KCNIP4: variants seen among roughly 807,000 people sequenced by gnomAD.
The protein encoded by KCNIP4 is potassium voltage-gated channel interacting protein 4.
In KCNIP4, 12 loss-of-function variants were observed where a neutral mutation model predicts 34.0. The observed-to-expected ratio is 0.35, with a 90% CI of 0.23 to 0.57. KCNIP4 has a LOEUF of 0.57. Ranked by LOEUF, KCNIP4 falls within the 20% of genes least tolerant of loss-of-function variation. The pLI is 0.83. For synonymous variants in KCNIP4, 124 were observed against 102.2 expected, an observed-to-expected ratio of 1.21 and a Z score of -1.29; for missense variants, 238 against 311.7, an observed-to-expected ratio of 0.76 and a Z score of 1.78.
intron 1 of KCNIP4, among the ~76,000 whole-genome samples, chr4:21,369,911 T>C (rs1193516032): frequency 1.4e-5 from 2 of 138,336 alleles, no homozygotes; most frequent in Non-Finnish European, 3.0e-5. Flanking sequence ...AAGCTCTGTC[T>C]CTGCCTCCCG....
intron 5 of KCNIP4, among the ~76,000 whole-genome samples, chr4:20,743,677 A>T (rs920910973): frequency 2.0e-5 from 3 of 152,122 alleles, no homozygotes; most frequent in African/African-American, 7.2e-5. Flanking sequence ...CTAGAAGAAA[A>T]CCTAGGCAAT....
intron 2 of KCNIP4, among the ~76,000 whole-genome samples, chr4:20,866,227 TC>T (rs1378108645): frequency 6.6e-6 from 1 of 151,780 alleles, no homozygotes; most frequent in African/African-American, 2.4e-5. Context: ...CAGACAAATA[TC>T]CCTCATGAAT....
chr4:21,671,453 T>C (rs1560613123), intron 1 of KCNIP4, among the ~76,000 whole-genome samples: 1 of 152,238 alleles, frequency 6.6e-6, no homozygotes, highest in African/African-American at 2.4e-5. Flanking sequence ...TTTAAAATTA[T>C]AGGGGAGGCC....
intron 1 of KCNIP4, among the ~76,000 whole-genome samples, chr4:21,445,927 G>C (rs1727943816): frequency 6.6e-6 from 1 of 151,938 alleles, no homozygotes; most frequent in Non-Finnish European, 1.5e-5. Flanking sequence ...AAATTTACAA[G>C]AAAAAAACAA....
At chr4:20,959,486 T>A (rs1348362539) in intron 1 of KCNIP4, among the ~76,000 whole-genome samples, 1 of 152,236 alleles carries the variant, frequency 6.6e-6, no homozygotes, top group Non-Finnish European at 1.5e-5. Context: ...TAGTATATGC[T>A]AATTCACAGA....
intron 5 of KCNIP4, among the ~76,000 whole-genome samples, chr4:20,735,738 T>C (rs1749474232): frequency 6.6e-6 from 1 of 152,088 alleles, no homozygotes; most frequent in Non-Finnish European, 1.5e-5. Flanking sequence ...GGTTTCACCA[T>C]GTTGGCCAGG....
At chr4:21,586,844 C>T (rs1209062195) in intron 1 of KCNIP4, among the ~76,000 whole-genome samples, 1 of 152,008 alleles carries the variant, frequency 6.6e-6, no homozygotes, top group Non-Finnish European at 1.5e-5. Flanking sequence ...TATGTGTGTG[C>T]TATTCTGAAC....
At chr4:21,565,390 A>T (rs543917744) in intron 1 of KCNIP4, among the ~76,000 whole-genome samples, 117 of 152,256 alleles carry the variant, frequency 7.7e-4, no homozygotes, top group Middle Eastern at 3.4e-3. Context: ...ATTACCTCCA[A>T]GGAGCCCCAC....
At chr4:21,247,910 C>G (rs866111067) in intron 1 of KCNIP4, among the ~76,000 whole-genome samples, 1 of 124,318 alleles carries the variant, frequency 8.0e-6, no homozygotes, top group African/African-American at 3.7e-5. Flanking sequence ...TATATATATA[C>G]ACACACACAC....
At chr4:21,298,165 T>C (rs1385486998) in intron 1 of KCNIP4, among the ~76,000 whole-genome samples, 3 of 152,162 alleles carry the variant, frequency 2.0e-5, no homozygotes, top group African/African-American at 7.2e-5. Context: ...CTTTGTCTTA[T>C]ACAGGTTCTC....
chr4:21,171,869 T>C (rs1034631098), intron 1 of KCNIP4, among the ~76,000 whole-genome samples: 1 of 152,220 alleles, frequency 6.6e-6, no homozygotes. Context: ...CTGACATTTC[T>C]ATAAATACTT....
intron 1 of KCNIP4, among the ~76,000 whole-genome samples, chr4:21,087,956 A>T (rs1746618205): frequency 6.6e-6 from 1 of 152,174 alleles, no homozygotes; most frequent in Non-Finnish European, 1.5e-5. Flanking sequence ...TAATGTCGCT[A>T]CTTATTTTTT....
intron 1 of KCNIP4, among the ~76,000 whole-genome samples, chr4:21,772,242 T>G (rs4550913): frequency 6.6e-6 from 1 of 152,218 alleles, no homozygotes; most frequent in Non-Finnish European, 1.5e-5. Context: ...TTTGCTTATG[T>G]TGAACCAGCC....
intron 1 of KCNIP4, among the ~76,000 whole-genome samples, chr4:21,495,589 C>CTTT (rs533989256): frequency 1.7e-3 from 251 of 146,848 alleles, no homozygotes; most frequent in African/African-American, 6.0e-3. Flanking sequence ...AAACACTTAC[C>CTTT]TTTTTTTTTT....
chr4:21,187,915 T>C (rs1755360925), intron 1 of KCNIP4, among the ~76,000 whole-genome samples: 1 of 152,200 alleles, frequency 6.6e-6, no homozygotes, highest in Non-Finnish European at 1.5e-5. Flanking sequence ...ACTAGACAGA[T>C]AACTTTGGGA....
intron 1 of KCNIP4, among the ~76,000 whole-genome samples, chr4:21,803,780 T>C (rs959903323): frequency 1.3e-5 from 2 of 152,196 alleles, no homozygotes; most frequent in African/African-American, 4.8e-5. Context: ...AGAGCACTGA[T>C]TTCATTGGCA....
At chr4:21,116,958 TATC>T (rs1405505228) in intron 1 of KCNIP4, among the ~76,000 whole-genome samples, 2 of 152,196 alleles carry the variant, frequency 1.3e-5, no homozygotes, top group Admixed American at 6.5e-5. Flanking sequence ...ATTGAAATAA[TATC>T]ATTATAATTA....
intron 2 of KCNIP4, among the ~76,000 whole-genome samples, chr4:20,867,030 AT>A (rs1439227469): frequency 2.0e-5 from 3 of 152,116 alleles, no homozygotes; most frequent in African/African-American, 7.2e-5. Flanking sequence ...ATGGAAAAGC[AT>A]TTCATTCTTG....
chr4:21,943,960 T>G (rs1370207118), intron 1 of KCNIP4, among the ~76,000 whole-genome samples: 1 of 151,730 alleles, frequency 6.6e-6, no homozygotes, highest in Non-Finnish European at 1.5e-5. Context: ...CTCTTGCTTT[T>G]TTTTTTTTTT....
Sources: allele counts gnomAD v4.1 joint callset (sites outside exome capture counted in the v4.1 genomes callset), GRCh38; gene constraint gnomAD v4.1.1; transcripts MANE v1.5; gene names NCBI Gene and HGNC (gene_info 2026-07-23, HGNC 2026-07-21).